Variants in CNOT1 observed in about 807,000 individuals in gnomAD.
The protein encoded by CNOT1 is CCR4-NOT transcription complex subunit 1.
A neutral mutation model predicts 273.8 loss-of-function variants in CNOT1; 15 were observed. That is an observed-to-expected ratio of 0.05 (90% CI 0.04 to 0.08). The LOEUF (loss-of-function observed/expected upper bound fraction) is 0.08. Ranked by LOEUF, CNOT1 falls within the 10% of genes least tolerant of loss-of-function variation. CNOT1 has a pLI of 1.00. For missense variants in CNOT1, 1,644 were observed against 2,912.2 expected, an observed-to-expected ratio of 0.56 and a Z score of 10.02; for synonymous variants, 1,022 against 1,005.5, an observed-to-expected ratio of 1.02 and a Z score of -0.31.
chr16:58,606,491 A>C (rs980380811), intron 1 of CNOT1, among the ~76,000 whole-genome samples: 3 of 152,184 alleles, frequency 2.0e-5, no homozygotes, highest in African/African-American at 7.2e-5. Flanking sequence ...CAAATCACCC[A>C]AAAATAAATG....
chr16:58,545,294 A>G lies in CNOT1; in HGVS notation c.4137+67T>C, dbSNP rs146581522. 606 of 1,587,446 alleles carry G rather than the reference A, an allele frequency of 3.8e-4. 6 individuals carry two copies. In the East Asian group the frequency reaches 0.012, roughly 30 times the overall value. On this transcript the variant is annotated intron_variant, in intron 30 of 48. Transcript: ENST00000317147. ...AGGGAAGGGCAAAGAGCTGAAGAAA[A>G]GGTGGCCAAACAAAATTTACCTTAT...
At chr16:58,535,956 G>A (rs1356792378) in intron 39 of CNOT1, among the ~76,000 whole-genome samples, 3 of 151,980 alleles carry the variant, frequency 2.0e-5, no homozygotes, top group African/African-American at 4.8e-5. Flanking sequence ...GGATGGTCTC[G>A]ATATCCTGAC....
intron 42 of CNOT1, 103 bp downstream of exon 42, chr16:58,531,855 G>GTACAAT: frequency 7.3e-7 from 1 of 1,364,062 alleles, no homozygotes; most frequent in East Asian, 2.3e-5. Context: ...TTTGGAAGAA[G>GTACAAT]TACAATTACT....
At chr16:58,542,112 T>C (rs2040112320) in intron 33 of CNOT1, 119 bp downstream of exon 33, 2 of 1,222,826 alleles carry the variant, frequency 1.6e-6, no homozygotes, top group African/African-American at 3.1e-5. Context: ...CAAGTTAAGA[T>C]GTTTTCTCAT....
In CNOT1 at chr16:58,547,467, A is replaced by T; in HGVS notation, c.3639+99T>A. 2.0e-6 allele frequency: 3 copies of T among 1,516,868 alleles called. No individual in the cohort carries two copies. The highest frequency in any genetic ancestry group is 2.7e-6 in the Non-Finnish European group (3 of 1,128,318). 94.0% of individuals were successfully genotyped at this position (1,516,868 alleles called of 1,614,324 possible). A position where few individuals can be genotyped will look rare whatever the true frequency, so the allele number is the denominator to read the frequency against. On this transcript the variant is annotated intron_variant, in intron 26 of 48. Coordinates refer to ENST00000317147, the MANE Select transcript of CNOT1 (RefSeq NM_016284.5). The surrounding 1 kb of genome is among the most constrained non-coding windows in gnomAD (Gnocchi z 4.0). ...AACTCAAAACGTGGGCCAAAATCTT[A>T]CAAAACCCCAATAATCATTAAATAG...
intron 33 of CNOT1, among the ~76,000 whole-genome samples, chr16:58,541,945 G>A (rs533958660): frequency 1.3e-5 from 2 of 152,250 alleles, no homozygotes; most frequent in Admixed American, 1.3e-4. Flanking sequence ...GGAACAATAA[G>A]CAACCATTAA....
intron 1 of CNOT1, among the ~76,000 whole-genome samples, chr16:58,601,725 T>A (rs766153907): frequency 2.5e-4 from 15 of 60,076 alleles, no homozygotes; most frequent in Non-Finnish European, 5.3e-4. Flanking sequence ...TAGTGCTCCA[T>A]ACCCACCTTA....
intron 31 of CNOT1, chr16:58,543,056 G>A: frequency 8.6e-7 from 1 of 1,163,926 alleles, no homozygotes; most frequent in Non-Finnish European, 1.1e-6. Context: ...CTGCACCACT[G>A]TACTCTAGCC....
chr16:58,602,927 G>A (rs1269858422), intron 1 of CNOT1, among the ~76,000 whole-genome samples: 2 of 151,890 alleles, frequency 1.3e-5, no homozygotes, highest in African/African-American at 4.8e-5. Context: ...ACTTAATGAT[G>A]TCACACCCTG....
At chr16:58,546,046 A>G (rs980129038) in intron 29 of CNOT1, among the ~76,000 whole-genome samples, 10 of 152,240 alleles carry the variant, frequency 6.6e-5, no homozygotes, top group African/African-American at 2.2e-4. Flanking sequence ...TTCACACAAC[A>G]AAGGAGATAA....
intron 22 of CNOT1, among the ~76,000 whole-genome samples, chr16:58,552,046 AAGC>A (rs1218486393): frequency 6.6e-6 from 1 of 152,154 alleles, no homozygotes; most frequent in Non-Finnish European, 1.5e-5. Context: ...ACTTCTAAAG[AAGC>A]AGCCCCAGAT....
intron 1 of CNOT1, among the ~76,000 whole-genome samples, chr16:58,607,312 G>C (rs74020117): frequency 0.013 from 1,960 of 152,218 alleles, 45 homozygotes; most frequent in African/African-American, 0.045. Context: ...ATCCTGGACC[G>C]TGTATATAGT....
intron 1 of CNOT1, among the ~76,000 whole-genome samples, chr16:58,607,351 A>G (rs2042715698): frequency 6.6e-6 from 1 of 152,124 alleles, no homozygotes; most frequent in Non-Finnish European, 1.5e-5. Flanking sequence ...GCACTTGTAT[A>G]TATACTACCT....
chr16:58,587,156 A>G, intron 6 of CNOT1, 45 bp downstream of exon 6: 3 of 1,596,204 alleles, frequency 1.9e-6, no homozygotes, highest in Non-Finnish European at 2.6e-6. Context: ...AAACCCACGT[A>G]TTTTAAAGTC....
chr16:58,612,854 T>G (rs948374656), intron 1 of CNOT1, among the ~76,000 whole-genome samples: 3 of 152,214 alleles, frequency 2.0e-5, no homozygotes, highest in African/African-American at 7.2e-5. Context: ...TTATAACTAT[T>G]GTGTACATAA....
Position 58,575,447 on chromosome 16 carries a change from A to G in CNOT1, c.1705-318T>C, listed in dbSNP as rs555050560. Among the ~76,000 whole-genome samples the G allele has an allele frequency of 2.0e-5, 3 of 152,248 alleles. No homozygotes were observed. In the East Asian group the frequency reaches 5.8e-4, roughly 29 times the overall value. On this transcript the variant is annotated intron_variant, in intron 14 of 48. Transcript: ENST00000317147. ...TATCCCTACCCATTTTTCAAAATCTAAACACAGGCTTAAGCACAACTATAT... is the reference window on the plus strand; with the variant it reads ...TATCCCTACCCATTTTTCAAAATCTGAACACAGGCTTAAGCACAACTATAT...
chr16:58,597,538 A>C (rs2042307979), intron 2 of CNOT1: 2 of 264,478 alleles, frequency 7.6e-6, no homozygotes, highest in South Asian at 3.9e-5. Flanking sequence ...CCTCAACACA[A>C]AAAAAAGTTG....
chr16:58,531,593 T>G (rs2039779962), intron 42 of CNOT1, among the ~76,000 whole-genome samples: 1 of 152,052 alleles, frequency 6.6e-6, no homozygotes, highest in African/African-American at 2.4e-5. Flanking sequence ...ATTTCAACTT[T>G]AAAAACAACA....
Position 58,574,611 on chromosome 16 carries a change from T to C in CNOT1, c.1977A>G (p.Ala659=), listed in dbSNP as rs2041399059. The change falls in exon 16 of 49, where the codon GCA becomes GCG. Residue 659 remains alanine (A), a splice_region_variant and synonymous_variant. Coordinates refer to ENST00000317147, the MANE Select transcript of CNOT1 (RefSeq NM_016284.5). The stretch of plus-strand genomic sequence containing the variant: ...ATATTCATGTATGTACTTCTTACCC[T>C]GCACAAGCTTGCAGACAGGCCAACA... ...ATMLACLQAC[A]GSVSQELSET... 3.2e-6 allele frequency: 5 copies of C among 1,581,720 alleles called. No individual in the cohort carries two copies. The highest frequency in any genetic ancestry group is 4.3e-6 in the Non-Finnish European group (5 of 1,171,970).
Sources: gnomAD v4.1 joint callset for allele counts (sites outside exome capture counted in the v4.1 genomes callset) on GRCh38, gnomAD v4.1.1 for gene constraint, Gnocchi (gnomAD v3.1) non-coding constraint, MANE v1.5 for transcripts, NCBI Gene and HGNC (gene_info 2026-07-23, HGNC 2026-07-21) for gene names.